MBD3: variants seen among roughly 807,000 people sequenced by gnomAD.
MBD3 encodes the protein methyl-CpG binding domain protein 3.
MBD3 carries 13 observed loss-of-function variants against 31.2 expected under a neutral mutation model. The ratio of observed to expected loss-of-function variants is 0.42; its 90% CI spans 0.27 to 0.66. The LOEUF (loss-of-function observed/expected upper bound fraction) is 0.66. MBD3 is among the 30% of genes least tolerant of loss of function. The probability of loss-of-function intolerance (pLI) is 0.26; values close to 1 mark genes in which losing one functional copy is unlikely to be tolerated. For missense variants in MBD3, 440 were observed against 426.5 expected (o/e 1.03, Z -0.28); for synonymous variants, 223 against 187.4 (o/e 1.19, Z -1.55).
rs376755192 is a variant in MBD3, at chr19:1,581,216, G to A, written c.553C>T (p.Leu185=). Residue 185 remains leucine, a synonymous_variant, in exon 5 of 7, where the codon CTG becomes TTG. Coordinates refer to ENST00000434436, the MANE Select transcript of MBD3 (RefSeq NM_001281453.2). ...ETLLSAIASA[L]HTSTMPITGQ... ...GTGATGGGCATGGTGCTAGTGTGCA[G>A]GGCGCTGGCGATGGCCGACAGCAGC... 1.2e-6 allele frequency: 2 copies of A among 1,613,372 alleles called. No homozygotes were observed. Among genetic ancestry groups the A allele is most frequent in the Non-Finnish European group, 1.7e-6 (2 of 1,180,018 alleles).
At chr19:1,584,954 C>T in intron 2 of MBD3, 101 bp downstream of exon 2, 2 of 1,500,182 alleles carry the variant, frequency 1.3e-6, no homozygotes, top group Non-Finnish European at 1.8e-6. Flanking sequence ...TGACCTCCTG[C>T]GCTCAGGACG....
intron 1 of MBD3, among the ~76,000 whole-genome samples, chr19:1,587,061 G>A (rs2060682755): frequency 6.6e-6 from 1 of 151,292 alleles, no homozygotes; most frequent in Admixed American, 6.6e-5. Context: ...CGACTTCCGG[G>A]TTCACACCAT....
At chr19:1,588,206 G>A (rs775244323) in intron 1 of MBD3, among the ~76,000 whole-genome samples, 7 of 152,208 alleles carry the variant, frequency 4.6e-5, no homozygotes, top group Non-Finnish European at 7.3e-5. Context: ...AGGACAGGAC[G>A]CCTCAGGGAG....
intron 1 of MBD3, among the ~76,000 whole-genome samples, chr19:1,587,626 G>A (rs925065067): frequency 6.6e-6 from 1 of 152,134 alleles, no homozygotes; most frequent in Non-Finnish European, 1.5e-5. Flanking sequence ...TGTTGCCCAG[G>A]TTGGTCTCCA....
chr19:1,589,344 CAAAAAAA>C (rs35111393), intron 1 of MBD3, among the ~76,000 whole-genome samples: 1 of 65,638 alleles, frequency 1.5e-5, no homozygotes, highest in Non-Finnish European at 3.1e-5. Context: ...AACTCGGTCT[CAAAAAAA>C]AAAAAAAAAA....
intron 5 of MBD3, among the ~76,000 whole-genome samples, chr19:1,580,810 T>C (rs1243158894): frequency 2.6e-5 from 4 of 152,200 alleles, no homozygotes; most frequent in Non-Finnish European, 5.9e-5. Context: ...GGGCCCAACA[T>C]GGAGCCCAGC....
chr19:1,586,131 G>A (rs1438301386), intron 1 of MBD3: 1 of 152,210 alleles, frequency 6.6e-6, no homozygotes, highest in Non-Finnish European at 1.5e-5. Flanking sequence ...GTTTCCAGAT[G>A]ACCCGGCCAC....
chr19:1,588,319 G>C (rs914321144), intron 1 of MBD3, among the ~76,000 whole-genome samples: 2 of 152,148 alleles, frequency 1.3e-5, no homozygotes, highest in African/African-American at 4.8e-5. Flanking sequence ...ACTGGCTGAC[G>C]TTCAGTCGAA....
intron 1 of MBD3, among the ~76,000 whole-genome samples, chr19:1,589,826 CCT>C (rs1403813087): frequency 6.6e-6 from 1 of 151,770 alleles, no homozygotes; most frequent in Non-Finnish European, 1.5e-5. Flanking sequence ...AGAACAAGAC[CCT>C]GTCTCACAAT....
rs1277122681 is a variant in MBD3 at position 1,585,295 on chromosome 19, TCCCAGCCCCAGCTTCAGGTCGCGAC to T, written c.111-106_111-82del. The T allele has an allele frequency of 6.1e-6, 9 of 1,471,172 alleles. No individual in the cohort carries two copies. The highest frequency in any genetic ancestry group is 2.8e-5 in the African/African-American group (2 of 71,034). 91.1% of individuals were successfully genotyped at this position (1,471,172 alleles called of 1,614,324 possible). ...GCCTCGGCCGCAGACCCAAACCCAG[TCCCAGCCCCAGCTTCAGGTCGCGAC>T]CCCAGCCCCAGACCCCAACACGGCC... On this transcript the variant is annotated intron_variant, in intron 1 of 6. Coordinates refer to ENST00000434436, the MANE Select transcript of MBD3 (RefSeq NM_001281453.2). This position sits in a 1 kb window ranked among gnomAD's most constrained non-coding sequence, Gnocchi z 4.1.
Position 1,578,004 on chromosome 19 carries a change from G to A in MBD3, c.*160C>T, listed in dbSNP as rs1047864920. On this transcript the variant is annotated 3_prime_UTR_variant, in exon 7 of 7. Transcript: ENST00000434436. The surrounding 1 kb of genome is among the most constrained non-coding windows in gnomAD (Gnocchi z 6.1). Reference sequence around the variant, plus strand: ...CCCCAGCTGTGTGCCCCGAGGCCCCGGGAAGTGGGGACGGGCCGAGGAGGG... The same window carrying A: ...CCCCAGCTGTGTGCCCCGAGGCCCCAGGAAGTGGGGACGGGCCGAGGAGGG... 1.8e-5 allele frequency: 8 copies of A among 452,156 alleles called. No individual in the cohort carries two copies. Among genetic ancestry groups the A allele is most frequent in the East Asian group, 4.4e-5 (1 of 22,844 alleles). The allele number at this position is 452,156 out of a possible 1,614,324, so 28.0% of individuals were successfully genotyped here.
In MBD3 at chr19:1,585,612, T is replaced by TCTA. The variant is rs548672561; in HGVS notation, c.111-399_111-398insTAG. On this transcript the variant is annotated intron_variant, in intron 1 of 6. Coordinates refer to ENST00000434436, the MANE Select transcript of MBD3 (RefSeq NM_001281453.2). This position sits in a 1 kb window ranked among gnomAD's most constrained non-coding sequence, Gnocchi z 4.1. ...GCGTCAGGCACAGCAGACGCTGAGTTCGGGTACAAACGCTACTACCTACAG... is the reference window on the plus strand; with the variant it reads ...GCGTCAGGCACAGCAGACGCTGAGTTCTACGGGTACAAACGCTACTACCTACAG... 60 of 282,016 alleles carry TCTA rather than the reference T, an allele frequency of 2.1e-4. No individual in the cohort carries two copies. The highest frequency in any genetic ancestry group is 1.2e-3 in the African/African-American group (55 of 44,536). 17.5% of individuals were successfully genotyped at this position (282,016 alleles called of 1,614,324 possible).
intron 1 of MBD3, among the ~76,000 whole-genome samples, chr19:1,589,344 C>CAAAAA (rs35111393): frequency 1.7e-4 from 11 of 65,642 alleles, no homozygotes; most frequent in African/African-American, 2.3e-4. Flanking sequence ...AACTCGGTCT[C>CAAAAA]AAAAAAAAAA....
rs922276247 is a variant in MBD3 at position 1,584,211 on chromosome 19, C to G, written c.408+329G>C. Among the ~76,000 whole-genome samples the G allele has an allele frequency of 7.9e-5, 12 of 151,600 alleles. No individual in the cohort carries two copies. In the South Asian group the frequency reaches 1.5e-3, roughly 18 times the overall value. ...GTGGGGCGTATCCTGGCACCAATAC[C>G]CTGCACATTCCAAGAGGGGACCGCA... On this transcript the variant is annotated intron_variant, in intron 3 of 6. Transcript: ENST00000434436.
rs1917262979 is a variant in MBD3, at chr19:1,578,384, C to G, written c.832G>C (p.Glu278Gln). 2 of 1,604,172 alleles carry G rather than the reference C, an allele frequency of 1.2e-6. No individual in the cohort carries two copies. The highest frequency in any genetic ancestry group is 1.7e-6 in the Non-Finnish European group (2 of 1,179,742). Residue 278 changes from glutamate (E) to glutamine (Q), a missense_variant, in exon 6 of 7, where the codon GAG becomes CAG. Glu to Gln is a conservative substitution (Grantham distance 29). Transcript: ENST00000434436. The surrounding 1 kb of genome is among the most constrained non-coding windows in gnomAD (Gnocchi z 6.1). ...EDDDEEDEEE[E>Q]EEEPDPDPEM... ...GGGTCCGGGTCGGGCTCCTCCTCCT[C>G]CTCCTCCTCGTCTTCCTCGTCGTCG... is the stretch of plus-strand genomic sequence containing the variant.
intron 1 of MBD3, among the ~76,000 whole-genome samples, chr19:1,588,779 C>CA (rs750933978): frequency 0.035 from 1,908 of 53,834 alleles, 37 homozygotes; most frequent in African/African-American, 0.066. Context: ...ACTGTGTCTC[C>CA]AAAAAAAAAA....
At chr19:1,591,772 T>C (rs1363569756) in intron 1 of MBD3, among the ~76,000 whole-genome samples, 3 of 151,710 alleles carry the variant, frequency 2.0e-5, no homozygotes, top group Non-Finnish European at 4.4e-5. Flanking sequence ...GACTAAGTCT[T>C]TGTTCCACGG....
intron 1 of MBD3, among the ~76,000 whole-genome samples, chr19:1,590,922 C>G (rs2060700581): frequency 6.6e-6 from 1 of 152,202 alleles, no homozygotes; most frequent in Non-Finnish European, 1.5e-5. Flanking sequence ...CCTGAAATCT[C>G]TAGCCTGTAG....
chr19:1,588,803 G>A (rs897908064), intron 1 of MBD3, among the ~76,000 whole-genome samples: 1 of 130,184 alleles, frequency 7.7e-6, no homozygotes, highest in East Asian at 2.6e-4. Context: ...AAAAAAAAAG[G>A]TGTAAGGCGA....
Sources: gnomAD v4.1 joint callset for allele counts (sites outside exome capture counted in the v4.1 genomes callset) on GRCh38, gnomAD v4.1.1 for gene constraint, Gnocchi (gnomAD v3.1) non-coding constraint, MANE v1.5 for transcripts, NCBI Gene and HGNC (gene_info 2026-07-23, HGNC 2026-07-21) for gene names.